DLG5: variants seen among roughly 807,000 people sequenced by gnomAD.
DLG5 encodes the protein disks large homolog 5.
DLG5 carries 48 observed loss-of-function variants against 189.8 expected under a neutral mutation model. The observed-to-expected ratio is 0.25, with a 90% confidence interval of 0.20 to 0.32. The LOEUF is 0.32. Among genes scored for constraint, DLG5 ranks in the 10% least tolerant of loss-of-function variants. DLG5 has a pLI of 1.00. For missense variants in DLG5, 2,160 were observed against 2,544.7 expected (o/e 0.85, Z 3.25); for synonymous variants, 1,016 against 1,054.1 (o/e 0.96, Z 0.70).
chr10:77,934,860 GTTTT>G, the DLG5 span, among the ~76,000 whole-genome samples: 1 of 137,362 alleles, frequency 7.3e-6, no homozygotes. Context: ...TTGTTTTTTT[GTTTT>G]TTTTTTTTTT....
Position 77,807,943 on chromosome 10 carries a change from T to C in DLG5, c.4649A>G (p.Tyr1550Cys), listed in dbSNP as rs1369858783. 7.4e-6 allele frequency: 12 copies of C among 1,613,952 alleles called. No individual in the cohort carries two copies. The highest frequency in any genetic ancestry group is 4.4e-5 in the South Asian group (4 of 91,050). Residue 1550 changes from tyrosine to cysteine, a missense_variant and splice_region_variant, in exon 25 of 32, where the codon TAT becomes TGT. Tyr to Cys is a radical substitution (Grantham distance 194). This residue lies in a region of DLG5 where 574 missense variants were observed against 644.2 expected (regional missense o/e 0.89). Transcript: ENST00000372391. ...CTTGTTCCGCACGTCCAGGCTGCCA[T>C]ACTGCCAGGGATGGGGGTGGATGCA... ...GLVPGDLILEYGSLDVRNKTV... is the reference protein window; with the variant it reads ...GLVPGDLILECGSLDVRNKTV...
chr10:77,882,288 C>T (rs532667696), intron 1 of DLG5, among the ~76,000 whole-genome samples: 6 of 152,210 alleles, frequency 3.9e-5, no homozygotes, highest in Non-Finnish European at 8.8e-5. Flanking sequence ...GGAGCAAATA[C>T]TTTTTCTGAG....
intron 20 of DLG5, among the ~76,000 whole-genome samples, chr10:77,814,777 G>A (rs1043767889): frequency 4.6e-5 from 7 of 151,960 alleles, no homozygotes; most frequent in Admixed American, 2.6e-4. Flanking sequence ...GTTTCACCAT[G>A]TTGGCCAGGT....
chr10:77,812,346 C>T lies in DLG5; in HGVS notation c.4057G>A (p.Val1353Met). 6.2e-7 allele frequency: 1 copy of T among 1,613,728 alleles called. No individual in the cohort carries two copies. Among genetic ancestry groups the T allele is most frequent in the Non-Finnish European group, 8.5e-7 (1 of 1,179,628 alleles). The change falls in exon 21 of 32, where the codon GTG becomes ATG. Residue 1353 changes from valine to methionine, a missense_variant. By Grantham distance (21) the Val-to-Met change is conservative. This residue lies in a region of DLG5 where 754 missense variants were observed against 746.5 expected (regional missense o/e 1.01). Coordinates refer to ENST00000372391, the MANE Select transcript of DLG5 (RefSeq NM_004747.4). ...CCCAGCGGCTCTGAGCCCTTCTGCA[C>T]CTTCACGTGGCGTGGCTCCTCCACA... ...PYVEEPRHVK[V>M]QKGSEPLGIS...
In DLG5 at chr10:77,794,969, G is replaced by A. The variant is rs1316352156; in HGVS notation, c.5437-11C>T. ...GAGGCAGTGTCGGTTCTGGGGTGGG[G>A]GGTGCAGAGTGAGCCCTGGCGGGCA... is the stretch of plus-strand genomic sequence containing the variant. On this transcript the variant is annotated splice_polypyrimidine_tract_variant and intron_variant, in intron 29 of 31. Transcript: ENST00000372391. 1.1e-5 allele frequency: 18 copies of A among 1,612,202 alleles called. No homozygotes were observed. The highest frequency in any genetic ancestry group is 1.5e-5 in the Non-Finnish European group (18 of 1,179,098).
chr10:77,909,944 C>T (rs1221628912), intron 1 of DLG5, among the ~76,000 whole-genome samples: 1 of 152,094 alleles, frequency 6.6e-6, no homozygotes, highest in Non-Finnish European at 1.5e-5. Context: ...CCTCATTTTC[C>T]TGCCTGAACT....
the DLG5 span, among the ~76,000 whole-genome samples, chr10:77,939,273 G>C: frequency 6.6e-6 from 1 of 152,120 alleles, no homozygotes; most frequent in South Asian, 2.1e-4. Flanking sequence ...GAAATCAACA[G>C]TGGCCCTGCC....
chr10:77,801,485 A>G (rs1320847557), intron 27 of DLG5, among the ~76,000 whole-genome samples: 1 of 152,174 alleles, frequency 6.6e-6, no homozygotes, highest in African/African-American at 2.4e-5. Context: ...TCGAAGAACA[A>G]AAACCCCGAG....
At chr10:77,880,110 G>A (rs755052225) in intron 1 of DLG5, among the ~76,000 whole-genome samples, 1 of 152,112 alleles carries the variant, frequency 6.6e-6, no homozygotes, top group Non-Finnish European at 1.5e-5. Flanking sequence ...CAACCAAGAA[G>A]ACAGAGGAGA....
chr10:77,846,010 C>T (rs986065172), intron 5 of DLG5, among the ~76,000 whole-genome samples: 2 of 150,978 alleles, frequency 1.3e-5, no homozygotes, highest in African/African-American at 2.4e-5. Flanking sequence ...TTTGGGAAGC[C>T]GAGGTAGGCG....
intron 3 of DLG5, 143 bp downstream of exon 3, chr10:77,856,586 TG>T: frequency 9.0e-7 from 1 of 1,106,326 alleles, no homozygotes; most frequent in Non-Finnish European, 1.3e-6. Flanking sequence ...GAAGCATTTC[TG>T]GACATGAGGT....
chr10:77,915,380 C>G (rs985528718), intron 1 of DLG5, among the ~76,000 whole-genome samples: 3 of 151,792 alleles, frequency 2.0e-5, no homozygotes, highest in Non-Finnish European at 4.4e-5. Flanking sequence ...AATGAGAGGG[C>G]TAGGGGAAAC....
chr10:77,906,561 G>A (rs1053378815), intron 1 of DLG5, among the ~76,000 whole-genome samples: 18 of 151,792 alleles, frequency 1.2e-4, no homozygotes, highest in Non-Finnish European at 2.4e-4. Flanking sequence ...CACTGGCTGA[G>A]GCTCCTCCCA....
chr10:77,893,269 T>G (rs549486211), intron 1 of DLG5, among the ~76,000 whole-genome samples: 1 of 152,322 alleles, frequency 6.6e-6, no homozygotes, highest in East Asian at 1.9e-4. Flanking sequence ...ACTGAAGACC[T>G]AATACACAAT....
chr10:77,939,890 C>T, the DLG5 span, among the ~76,000 whole-genome samples: 2 of 152,170 alleles, frequency 1.3e-5, no homozygotes, highest in Non-Finnish European at 2.9e-5. Context: ...GCCATGAAGA[C>T]CTCTGAGACT....
chr10:77,856,734 T>C lies in DLG5; in HGVS notation c.532A>G (p.Lys178Glu), dbSNP rs760233454. The change falls in exon 3 of 32, where the codon AAG becomes GAG. Residue 178 changes from lysine to glutamate, a missense_variant. Physicochemically the swap from Lys to Glu is moderately conservative, Grantham distance 56 (BLOSUM62 1). Transcript: ENST00000372391. ...GGGAGACGGCGCAATTACTACCTCT[T>C]GTCAAAGGCCGTGCCATGCGTAGCA... ...AFATHGTAFDKRPYHRLNPDY... is the reference protein window; with the variant it reads ...AFATHGTAFDERPYHRLNPDY... 1.2e-6 allele frequency: 2 copies of C among 1,612,794 alleles called. No homozygotes were observed. Among genetic ancestry groups the C allele is most frequent in the South Asian group, 1.1e-5 (1 of 91,012 alleles).
Position 77,821,225 on chromosome 10 carries a change from G to T in DLG5, c.3259C>A (p.His1087Asn). The change falls in exon 15 of 32, where the codon CAC (histidine) becomes AAC (asparagine). Residue 1087 changes from histidine (H) to asparagine (N), a missense_variant. This residue lies in a region of DLG5 where 754 missense variants were observed against 746.5 expected (regional missense o/e 1.01). Coordinates refer to ENST00000372391, the MANE Select transcript of DLG5 (RefSeq NM_004747.4). ...TCACAGGATTTCTTGGCCGGCAGGT[G>T]GGAGGAGTCCCCATCTCCTTCAGGG... ...YYPEGDGDSS[H>N]LPAKKSCDED... is the part of the protein sequence containing the mutation. The T allele has an allele frequency of 6.2e-7, 1 of 1,614,130 alleles. No homozygotes were observed. The highest frequency in any genetic ancestry group is 8.5e-7 in the Non-Finnish European group (1 of 1,180,046).
chr10:77,828,256 C>T (rs1029303878), intron 13 of DLG5, among the ~76,000 whole-genome samples: 39 of 151,894 alleles, frequency 2.6e-4, no homozygotes, highest in Admixed American at 2.2e-3. Flanking sequence ...GAAGCCAAGG[C>T]GGGCAGATCA....
At chr10:77,900,530 T>A (rs1336351284) in intron 1 of DLG5, among the ~76,000 whole-genome samples, 1 of 152,204 alleles carries the variant, frequency 6.6e-6, no homozygotes, top group African/African-American at 2.4e-5. Context: ...CTGGGCATGG[T>A]GGCTCACGCC....
Sources: gnomAD v4.1 joint callset for allele counts (sites outside exome capture counted in the v4.1 genomes callset) on GRCh38, gnomAD v4.1.1 for gene constraint, gnomAD v4.1.1 regional missense constraint, MANE v1.5 for transcripts, NCBI Gene and HGNC (gene_info 2026-07-23, HGNC 2026-07-21) for gene names.